G3BP2: variants seen among roughly 807,000 people sequenced by gnomAD.
The protein encoded by G3BP2 is G3BP stress granule assembly factor 2.
G3BP2 carries 11 observed loss-of-function variants against 56.7 expected under a neutral mutation model. The ratio of observed to expected loss-of-function variants is 0.19; its 90% CI spans 0.12 to 0.32. The LOEUF is 0.32. Ranked by LOEUF, G3BP2 falls within the 10% of genes least tolerant of loss-of-function variation. G3BP2 has a pLI of 1.00. For missense variants in G3BP2, 340 were observed against 610.9 expected (o/e 0.56, Z 4.67); for synonymous variants, 165 against 191.6 (o/e 0.86, Z 1.15).
intron 3 of G3BP2, among the ~76,000 whole-genome samples, chr4:75,693,087 T>C (rs912003008): frequency 7.9e-5 from 12 of 151,808 alleles, no homozygotes; most frequent in African/African-American, 2.7e-4. Context: ...CTACTAAAAA[T>C]ACAAAAATTA....
chr4:75,691,807 G>A (rs939805514), intron 3 of G3BP2, among the ~76,000 whole-genome samples: 2 of 152,026 alleles, frequency 1.3e-5, no homozygotes, highest in African/African-American at 2.4e-5. Context: ...AAAGCTCTCC[G>A]GGAACCAAAG....
intron 8 of G3BP2, chr4:75,649,158 T>C (rs576214224): frequency 6.3e-6 from 1 of 157,864 alleles, no homozygotes; most frequent in African/African-American, 2.4e-5. Context: ...TCTGAAAATC[T>C]AATTTGCTAT....
In G3BP2 at chr4:75,673,381, G is replaced by A. The variant is rs1733671905; in HGVS notation, c.-198C>T. The A allele has an allele frequency of 1.6e-6, 2 of 1,232,024 alleles. No individual in the cohort carries two copies. The highest frequency in any genetic ancestry group is 4.1e-5 in the South Asian group (1 of 24,324). 76.3% of individuals were successfully genotyped at this position (1,232,024 alleles called of 1,614,324 possible). On this transcript the variant is annotated 5_prime_UTR_variant, in exon 1 of 12. Transcript: ENST00000359707. ...ACAACCACCTCTTCCCGGGCGCCAGGCGCTGCGACGTGCGACAAGGACCAC... is the reference window on the plus strand; with the variant it reads ...ACAACCACCTCTTCCCGGGCGCCAGACGCTGCGACGTGCGACAAGGACCAC...
At chr4:75,717,596 C>T (rs1289628862) in intron 3 of G3BP2, among the ~76,000 whole-genome samples, 1 of 152,138 alleles carries the variant, frequency 6.6e-6, no homozygotes, top group Non-Finnish European at 1.5e-5. Flanking sequence ...GGCAATGACT[C>T]CATTAAAATC....
chr4:75,678,012 G>A (rs1452793853), upstream of G3BP2, among the ~76,000 whole-genome samples: 1 of 152,216 alleles, frequency 6.6e-6, no homozygotes, highest in Non-Finnish European at 1.5e-5. Flanking sequence ...TGAGAACACA[G>A]CAAGAAGGCA....
intron 1 of G3BP2, among the ~76,000 whole-genome samples, chr4:75,665,747 T>A: frequency 6.6e-6 from 1 of 152,098 alleles, no homozygotes; most frequent in East Asian, 1.9e-4. Flanking sequence ...TAGACTTACC[T>A]GGTAAAATTT....
intron 11 of G3BP2, among the ~76,000 whole-genome samples, chr4:75,646,055 T>C (rs1384205736): frequency 1.3e-5 from 2 of 152,166 alleles, no homozygotes; most frequent in South Asian, 2.1e-4. Context: ...GCAATCCTTC[T>C]GCCTTAACTT....
chr4:75,657,997 T>C (rs1732241205), intron 3 of G3BP2, among the ~76,000 whole-genome samples: 1 of 152,198 alleles, frequency 6.6e-6, no homozygotes, highest in Non-Finnish European at 1.5e-5. Context: ...TTCTCACAAA[T>C]TGTGTTGACG....
At chr4:75,722,763 C>T (rs1720225982) in intron 1 of G3BP2, among the ~76,000 whole-genome samples, 1 of 152,186 alleles carries the variant, frequency 6.6e-6, no homozygotes, top group African/African-American at 2.4e-5. Context: ...CCACCATTCT[C>T]CAAGTTGCCC....
intron 3 of G3BP2, among the ~76,000 whole-genome samples, chr4:75,692,559 C>T (rs1718905467): frequency 1.3e-5 from 2 of 152,124 alleles, no homozygotes; most frequent in South Asian, 2.1e-4. Context: ...ATCCACCCAC[C>T]TCGGCCTCCC....
intron 3 of G3BP2, among the ~76,000 whole-genome samples, chr4:75,698,892 C>G (rs974070163): frequency 1.3e-5 from 2 of 152,086 alleles, no homozygotes; most frequent in East Asian, 3.9e-4. Flanking sequence ...ATGGGGGTCT[C>G]ACTATGTTGC....
Position 75,719,087 on chromosome 4 carries a change from G to A in G3BP2, c.-25+1790C>T, listed in dbSNP as rs149918376. Among the ~76,000 whole-genome samples, 231 of 152,214 alleles carry A rather than the reference G, an allele frequency of 1.5e-3. 1 individual carries two copies. Among genetic ancestry groups the A allele is most frequent in the African/African-American group, 5.2e-3 (217 of 41,536 alleles). On this transcript the variant is annotated intron_variant, in intron 3 of 3. Transcript: ENST00000499709. ...AGAAATTGATAATACCGTGGCTCAC[G>A]CCTGTAATCCCAGCACTTTGGGAGG...
At chr4:75,694,884 GGT>G in intron 3 of G3BP2, 1 of 985,448 alleles carries the variant, frequency 1.0e-6, no homozygotes, top group Non-Finnish European at 1.2e-6. Context: ...CAGCCGAAGG[GGT>G]TTTCAGTAGA....
At chr4:75,714,914 G>A (rs1415267491) in intron 3 of G3BP2, among the ~76,000 whole-genome samples, 2 of 152,114 alleles carry the variant, frequency 1.3e-5, no homozygotes, top group African/African-American at 4.8e-5. Context: ...TACAGCCTCT[G>A]TTGTTAGTCC....
intron 3 of G3BP2, 70 bp downstream of exon 3, chr4:75,658,772 CA>C: frequency 1.1e-6 from 1 of 931,620 alleles, no homozygotes; most frequent in South Asian, 1.3e-5. Context: ...GCCATGGACA[CA>C]AGAAGGCTAT....
intron 3 of G3BP2, 147 bp downstream of exon 3, chr4:75,658,696 C>T (rs1024620688): frequency 1.4e-5 from 9 of 622,598 alleles, no homozygotes; most frequent in Non-Finnish European, 2.6e-5. Flanking sequence ...CACTGCACTC[C>T]AGCCTGGGCA....
intron 3 of G3BP2, among the ~76,000 whole-genome samples, chr4:75,687,393 G>C (rs549179491): frequency 6.6e-6 from 1 of 152,282 alleles, no homozygotes; most frequent in East Asian, 1.9e-4. Flanking sequence ...CCATGATTGT[G>C]AGACCTCCTC....
intron 1 of G3BP2, among the ~76,000 whole-genome samples, chr4:75,669,577 C>T (rs1426747520): frequency 6.6e-6 from 1 of 152,234 alleles, no homozygotes; most frequent in Non-Finnish European, 1.5e-5. Flanking sequence ...CATTCAATGT[C>T]ATAACCAACC....
At chr4:75,681,129 G>A (rs1734055127) in intron 3 of G3BP2, among the ~76,000 whole-genome samples, 1 of 150,896 alleles carries the variant, frequency 6.6e-6, no homozygotes, top group African/African-American at 2.4e-5. Flanking sequence ...TTCAAGACCA[G>A]CCTGGCCAAC....
Sources: allele counts gnomAD v4.1 joint callset (sites outside exome capture counted in the v4.1 genomes callset), GRCh38; gene constraint gnomAD v4.1.1; transcripts MANE v1.5; gene names NCBI Gene and HGNC (gene_info 2026-07-23, HGNC 2026-07-21).